GPBP1: variants seen among roughly 807,000 people sequenced by gnomAD.
GPBP1 encodes the protein GC-rich promoter binding protein 1, also known as vasculin.
A neutral mutation model predicts 56.5 loss-of-function variants in GPBP1; 13 were observed. The observed-to-expected ratio is 0.23, with a 90% confidence interval of 0.15 to 0.37. The LOEUF is 0.37. Ranked by LOEUF, GPBP1 falls within the 10% of genes least tolerant of loss-of-function variation. The pLI is 1.00. For missense variants in GPBP1, 477 were observed against 572.3 expected, an observed-to-expected ratio of 0.83 and a Z score of 1.70; for synonymous variants, 204 against 188.9, an observed-to-expected ratio of 1.08 and a Z score of -0.66.
Position 57,185,116 on chromosome 5 carries a change from T to C in GPBP1, c.-58+8716T>C, listed in dbSNP as rs538595064. Among the ~76,000 whole-genome samples the C allele has an allele frequency of 2.0e-5, 3 of 152,300 alleles. No individual in the cohort carries two copies. The South Asian group carries it at 6.2e-4, about 32-fold the overall frequency. ...TTGTGCATAGGACTTGGTGTGGACT[T>C]AAGTTTTCATTTCTCATATGAAAAT... On this transcript the variant is annotated intron_variant, in intron 2 of 11. Coordinates refer to ENST00000506184, the MANE Select transcript of GPBP1 (RefSeq NM_022913.4).
chr5:57,225,254 C>A (rs969075045), intron 3 of GPBP1, among the ~76,000 whole-genome samples: 35 of 152,006 alleles, frequency 2.3e-4, no homozygotes, highest in Non-Finnish European at 7.4e-5. Context: ...GTCAGGAGAT[C>A]TTGACCATCC....
chr5:57,228,525 G>C (rs998569390), intron 3 of GPBP1, among the ~76,000 whole-genome samples: 3 of 151,598 alleles, frequency 2.0e-5, no homozygotes, highest in African/African-American at 7.3e-5. Flanking sequence ...CTGTAGTCCC[G>C]GCTGCTCAGG....
At chr5:57,235,889 C>A in intron 5 of GPBP1, 77 bp from the exon 6 acceptor site, 1 of 1,021,818 alleles carries the variant, frequency 9.8e-7, no homozygotes, top group Non-Finnish European at 1.5e-6. Context: ...TCATCAGTTA[C>A]AACATGTATG....
intron 2 of GPBP1, among the ~76,000 whole-genome samples, chr5:57,192,776 T>C (rs1368759016): frequency 3.2e-5 from 4 of 123,828 alleles, no homozygotes; most frequent in Non-Finnish European, 7.1e-5. Flanking sequence ...AAAAAAAAAT[T>C]AGGAGTTACT....
intron 10 of GPBP1, among the ~76,000 whole-genome samples, chr5:57,255,724 C>T (rs1377832726): frequency 2.0e-5 from 3 of 152,166 alleles, no homozygotes; most frequent in African/African-American, 7.2e-5. Context: ...AAACAGTTGG[C>T]CCATACCTTT....
At chr5:57,231,481 C>T (rs1310175741) in intron 5 of GPBP1, among the ~76,000 whole-genome samples, 160 bp downstream of exon 5, 4 of 152,074 alleles carry the variant, frequency 2.6e-5, no homozygotes, top group Non-Finnish European at 5.9e-5. Context: ...CCAGGTTGGC[C>T]AGGCTGGTCT....
intron 3 of GPBP1, among the ~76,000 whole-genome samples, chr5:57,225,508 A>AACAAACAAAC (rs11452613): frequency 8.1e-6 from 1 of 123,630 alleles, no homozygotes; most frequent in South Asian, 2.5e-4. Context: ...AAAAAAAAAA[A>AACAAACAAAC]AAACAAACTG....
chr5:57,188,930 C>T (rs993082339), intron 2 of GPBP1, among the ~76,000 whole-genome samples: 1 of 152,156 alleles, frequency 6.6e-6, no homozygotes, highest in Admixed American at 6.5e-5. Flanking sequence ...TCAAAATCTC[C>T]TAAATGTATT....
At chr5:57,179,955 A>AT (rs1179381840) in intron 2 of GPBP1, among the ~76,000 whole-genome samples, 2 of 151,940 alleles carry the variant, frequency 1.3e-5, no homozygotes, top group Non-Finnish European at 2.9e-5. Context: ...GAAGCTGCTG[A>AT]TATGTTAAAA....
intron 10 of GPBP1, among the ~76,000 whole-genome samples, chr5:57,252,715 A>ATT (rs112267138): frequency 1.1e-4 from 16 of 140,648 alleles, no homozygotes; most frequent in South Asian, 2.3e-4. Context: ...TTTATTGTAA[A>ATT]TTTTTTTTTT....
Position 57,247,190 on chromosome 5 carries a change from G to A in GPBP1, c.779G>A (p.Ser260Asn), listed in dbSNP as rs1741131036. 3.7e-6 allele frequency: 6 copies of A among 1,613,194 alleles called. No individual in the cohort carries two copies. The highest frequency in any genetic ancestry group is 1.6e-4 in the Middle Eastern group (1 of 6,078). Residue 260 changes from serine (S) to asparagine (N), a missense_variant, in exon 8 of 12, where the codon AGT becomes AAT. By Grantham distance (46) the Ser-to-Asn change is conservative. This residue lies in a region of GPBP1 where 414 missense variants were observed against 458.2 expected (regional missense o/e 0.90). Coordinates refer to ENST00000506184, the MANE Select transcript of GPBP1 (RefSeq NM_022913.4). ...TTTAAATCAACTGCCAAGAACTTTA[G>A]TCCATCTACAAATTCAGTGAAAGAG... Reference protein sequence around the residue: ...NAFKSTAKNFSPSTNSVKECN... With the variant: ...NAFKSTAKNFNPSTNSVKECN...
chr5:57,238,417 G>C (rs746346330), intron 6 of GPBP1, among the ~76,000 whole-genome samples: 9 of 152,164 alleles, frequency 5.9e-5, no homozygotes, highest in Non-Finnish European at 1.2e-4. Context: ...AATTAGCCGG[G>C]TGTGGTGGCG....
intron 6 of GPBP1, among the ~76,000 whole-genome samples, chr5:57,244,967 A>T (rs891216069): frequency 3.9e-5 from 6 of 152,076 alleles, no homozygotes; most frequent in African/African-American, 1.4e-4. Context: ...TGAGCTCCGG[A>T]CCTCATGGTC....
At chr5:57,244,266 T>G (rs1366698119) in intron 6 of GPBP1, among the ~76,000 whole-genome samples, 1 of 152,360 alleles carries the variant, frequency 6.6e-6, no homozygotes, top group Non-Finnish European at 1.5e-5. Flanking sequence ...ACTTTTTATT[T>G]ACTTCTCTAG....
At position 57,261,075 on chromosome 5, in the gene GPBP1, T is replaced by C. The variant is rs1045463800; in HGVS notation, c.1161-105T>C. 6 of 739,820 alleles carry C rather than the reference T, an allele frequency of 8.1e-6. No homozygotes were observed. The South Asian group carries it at 1.0e-4, about 12-fold the overall frequency. 45.8% of individuals were successfully genotyped at this position (739,820 alleles called of 1,614,324 possible). On this transcript the variant is annotated intron_variant, in intron 10 of 11. Coordinates refer to ENST00000506184, the MANE Select transcript of GPBP1 (RefSeq NM_022913.4). ...TCCTTTTGATGTGTCTTGGGGTCTT[T>C]GTATAATGGATCCTGGTGGATCATG...
intron 5 of GPBP1, 110 bp downstream of exon 5, chr5:57,231,431 G>A (rs1756455773): frequency 2.4e-6 from 2 of 821,882 alleles, no homozygotes; most frequent in African/African-American, 1.7e-5. Flanking sequence ...CCACCACCAG[G>A]CCCGCCTAAT....
chr5:57,236,567 G>A lies in GPBP1; in HGVS notation c.478+535G>A, dbSNP rs1756672032. ...TTGTCTCTGATTTCTGATTTTCAAA[G>A]CTTAATGAGAGTTCTTCTAGAAATA... On this transcript the variant is annotated intron_variant, in intron 6 of 11. Transcript: ENST00000506184. Among the ~76,000 whole-genome samples the A allele has an allele frequency of 2.0e-5, 3 of 152,126 alleles. No homozygotes were observed. The South Asian group carries it at 6.2e-4, about 32-fold the overall frequency.
chr5:57,237,065 C>A, intron 6 of GPBP1: 1 of 1,292,894 alleles, frequency 7.7e-7, no homozygotes, highest in Non-Finnish European at 1.1e-6. Context: ...ATGTGAATGG[C>A]ATTGTTTTTT....
chr5:57,211,396 C>T (rs960133242), intron 2 of GPBP1, among the ~76,000 whole-genome samples: 1 of 152,022 alleles, frequency 6.6e-6, no homozygotes, highest in African/African-American at 2.4e-5. Flanking sequence ...ACCATGTTGC[C>T]AAGGCCGGCC....
Sources: gnomAD v4.1 joint callset for allele counts (sites outside exome capture counted in the v4.1 genomes callset) on GRCh38, gnomAD v4.1.1 for gene constraint, gnomAD v4.1.1 regional missense constraint, MANE v1.5 for transcripts, NCBI Gene and HGNC (gene_info 2026-07-23, HGNC 2026-07-21) for gene names.